Variants in MEIKIN observed in about 807,000 individuals in gnomAD.
The protein encoded by MEIKIN is meiosis-specific kinetochore protein.
intron 9 of MEIKIN, among the ~76,000 whole-genome samples, chr5:131,872,657 G>C (rs2149625537): frequency 6.6e-6 from 1 of 152,248 alleles, no homozygotes; most frequent in African/African-American, 2.4e-5. Context: ...ACACCACAAA[G>C]ATACTCCTCG....
intron 4 of MEIKIN, among the ~76,000 whole-genome samples, chr5:131,934,528 TA>T (rs1219684108): frequency 6.6e-6 from 1 of 151,920 alleles, no homozygotes; most frequent in Non-Finnish European, 1.5e-5. Flanking sequence ...AAAAACAAAA[TA>T]AAAAAACTTG....
chr5:131,842,253 C>A (rs907180564), intron 11 of MEIKIN, among the ~76,000 whole-genome samples: 9 of 152,172 alleles, frequency 5.9e-5, no homozygotes, highest in African/African-American at 2.2e-4. Flanking sequence ...GTGTGAGCCA[C>A]CTTGCCTGGC....
chr5:131,896,965 T>G (rs1349689278), intron 8 of MEIKIN, among the ~76,000 whole-genome samples: 2 of 152,238 alleles, frequency 1.3e-5, no homozygotes, highest in Non-Finnish European at 2.9e-5. Flanking sequence ...TTGATGCAGT[T>G]TCTTCCTAGC....
chr5:131,810,727 T>C (rs1436039072), intron 12 of MEIKIN, among the ~76,000 whole-genome samples: 2 of 152,216 alleles, frequency 1.3e-5, no homozygotes, highest in African/African-American at 2.4e-5. Context: ...CAGCCTCCTT[T>C]ATCTGGCTGT....
At chr5:131,851,419 A>C in intron 10 of MEIKIN, 36 bp from the exon 11 acceptor site, 2 of 397,024 alleles carry the variant, frequency 5.0e-6, no homozygotes. Flanking sequence ...GTGGAAGTTA[A>C]ACATTGCAAA....
At chr5:131,833,550 T>C (rs1749748583) in intron 11 of MEIKIN, among the ~76,000 whole-genome samples, 1 of 152,312 alleles carries the variant, frequency 6.6e-6, no homozygotes, top group African/African-American at 2.4e-5. Context: ...CAGTTCCACA[T>C]GGCTTGGGAG....
At chr5:131,888,814 G>A (rs1580891663) in intron 8 of MEIKIN, among the ~76,000 whole-genome samples, 1 of 152,104 alleles carries the variant, frequency 6.6e-6, no homozygotes, top group Admixed American at 6.6e-5. Context: ...GTATTGCCTA[G>A]GTTTTCTTCT....
chr5:131,835,831 G>C (rs11242096), intron 11 of MEIKIN, among the ~76,000 whole-genome samples: 87,655 of 152,032 alleles, frequency 0.58, 29,716 homozygotes, highest in Non-Finnish European at 0.76. Context: ...CTGACCTTGT[G>C]ATCTGCCTGC....
intron 11 of MEIKIN, among the ~76,000 whole-genome samples, chr5:131,835,083 T>C (rs1749778616): frequency 6.6e-6 from 1 of 152,118 alleles, no homozygotes; most frequent in African/African-American, 2.4e-5. Context: ...GCCATTTGTA[T>C]GTCTTTTTTG....
At chr5:131,812,581 G>C (rs1773016139) in intron 12 of MEIKIN, among the ~76,000 whole-genome samples, 2 of 152,158 alleles carry the variant, frequency 1.3e-5, no homozygotes. Context: ...AGCTTTTTTG[G>C]ATGTTGGAGT....
At chr5:131,879,342 T>A (rs1441026376) in intron 8 of MEIKIN, among the ~76,000 whole-genome samples, 1 of 152,188 alleles carries the variant, frequency 6.6e-6, no homozygotes, top group Non-Finnish European at 1.5e-5. Context: ...TCATTCATTA[T>A]CCTACCATTT....
At chr5:131,836,160 T>C (rs1426228204) in intron 11 of MEIKIN, among the ~76,000 whole-genome samples, 1 of 152,190 alleles carries the variant, frequency 6.6e-6, no homozygotes, top group East Asian at 1.9e-4. Context: ...GGTTTTCTGT[T>C]CCTGTATTAG....
chr5:131,842,918 T>C (rs1348985140), intron 11 of MEIKIN, among the ~76,000 whole-genome samples: 1 of 152,252 alleles, frequency 6.6e-6, no homozygotes, highest in Non-Finnish European at 1.5e-5. Context: ...GCTCTGCCCC[T>C]GCAGCAGACT....
chr5:131,864,851 C>T (rs986092878), intron 9 of MEIKIN, among the ~76,000 whole-genome samples: 2 of 152,132 alleles, frequency 1.3e-5, no homozygotes, highest in African/African-American at 2.4e-5. Flanking sequence ...GATATCAACA[C>T]TTTGAATATC....
At chr5:131,914,320 G>A (rs1235172939) in intron 7 of MEIKIN, among the ~76,000 whole-genome samples, 1 of 150,572 alleles carries the variant, frequency 6.6e-6, no homozygotes, top group Non-Finnish European at 1.5e-5. Context: ...GGAGTTCGAG[G>A]TTACAGTGAG....
chr5:131,892,782 A>G (rs899074806), intron 8 of MEIKIN, among the ~76,000 whole-genome samples: 2 of 152,096 alleles, frequency 1.3e-5, no homozygotes, highest in Non-Finnish European at 2.9e-5. Context: ...TTGGAGGAGG[A>G]GAGGTGCTCT....
At chr5:131,813,051 G>A (rs1210249294) in intron 12 of MEIKIN, among the ~76,000 whole-genome samples, 1 of 152,186 alleles carries the variant, frequency 6.6e-6, no homozygotes, top group Non-Finnish European at 1.5e-5. Context: ...ATTATCAAAT[G>A]GAAGTGGTTT....
intron 5 of MEIKIN, among the ~76,000 whole-genome samples, chr5:131,923,168 G>A (rs1751534202): frequency 6.6e-6 from 1 of 152,184 alleles, no homozygotes; most frequent in Non-Finnish European, 1.5e-5. Context: ...GATTACAGGT[G>A]TGTGCTACCA....
chr5:131,895,506 T>G (rs772718916), intron 8 of MEIKIN, among the ~76,000 whole-genome samples: 60 of 152,296 alleles, frequency 3.9e-4, no homozygotes, highest in Middle Eastern at 3.4e-3. Context: ...CAACTGGGAA[T>G]CAGTCTGGTC....
Sources: allele counts gnomAD v4.1 joint callset (sites outside exome capture counted in the v4.1 genomes callset), GRCh38; gene constraint gnomAD v4.1.1; transcripts MANE v1.5; gene names NCBI Gene and HGNC (gene_info 2026-07-23, HGNC 2026-07-21).